The following CDK5RAP2 variants were observed in gnomAD, a reference collection of about 807,000 sequenced individuals.
CDK5RAP2 encodes CDK5 regulatory subunit associated protein 2.
CDK5RAP2 carries 147 observed loss-of-function variants against 232.9 expected under a neutral mutation model. That is an observed-to-expected ratio of 0.63 (90% CI 0.55 to 0.72). The LOEUF is 0.72. Ranked by LOEUF, CDK5RAP2 falls within the 30% of genes least tolerant of loss-of-function variation. The pLI is 0.00. For synonymous variants in CDK5RAP2, 833 were observed against 833.7 expected, an observed-to-expected ratio of 1.00 and a Z score of 0.01; for missense variants, 2,195 against 2,231.5, an observed-to-expected ratio of 0.98 and a Z score of 0.33.
Position 120,437,353 on chromosome 9 carries a change from C to G in CDK5RAP2, c.3897G>C (p.Gln1299His), listed in dbSNP as rs1339467127. 1.3e-5 allele frequency: 21 copies of G among 1,614,016 alleles called. No homozygotes were observed. The highest frequency in any genetic ancestry group is 1.6e-5 in the Non-Finnish European group (19 of 1,180,008). ...GCTCAGCACATTGATTCAGCTGTTC[C>G]TGGAAACCCTCGGCCACACAGTAAT... ...DVDYCVAEGFQEQLNQCAELL... is the reference protein window; with the variant it reads ...DVDYCVAEGFHEQLNQCAELL... Residue 1299 changes from glutamine (Q) to histidine (H), a missense_variant, in exon 25 of 38, where the codon CAG becomes CAC. Transcript: ENST00000349780.
chr9:120,440,251 C>T (rs2035822922), intron 23 of CDK5RAP2: 3 of 472,782 alleles, frequency 6.3e-6, no homozygotes, highest in Non-Finnish European at 1.2e-5. Flanking sequence ...TAAACCCACA[C>T]ACACACCCCC....
At chr9:120,390,845 T>C (rs878996714) in intron 36 of CDK5RAP2, among the ~76,000 whole-genome samples, 1 of 152,158 alleles carries the variant, frequency 6.6e-6, no homozygotes, top group African/African-American at 2.4e-5. Context: ...TGAGAAAATA[T>C]TGATTTCTTG....
At chr9:120,569,698 C>T (rs1000733195) in intron 2 of CDK5RAP2, among the ~76,000 whole-genome samples, 11 of 152,102 alleles carry the variant, frequency 7.2e-5, no homozygotes, top group Non-Finnish European at 1.6e-4. Context: ...CTTCTAAGGA[C>T]TCTGAGGAGC....
intron 3 of CDK5RAP2, among the ~76,000 whole-genome samples, chr9:120,567,194 A>G (rs1222372684): frequency 6.6e-6 from 1 of 152,242 alleles, no homozygotes; most frequent in Non-Finnish European, 1.5e-5. Context: ...CAGACCCCAC[A>G]GCATAGATCG....
In CDK5RAP2 at chr9:120,402,749, C is replaced by A. The variant is rs921392894; in HGVS notation, c.5307+57G>T. 1.6e-5 allele frequency: 25 copies of A among 1,604,526 alleles called. No homozygotes were observed. The African/African-American group carries it at 2.0e-4, about 13-fold the overall frequency. ...ACTGCGCCATTTGACTCCCCTCCCC[C>A]TTCCACCGACACTCCCAGGGAGCAG... is the stretch of plus-strand genomic sequence containing the variant. On this transcript the variant is annotated intron_variant, in intron 34 of 37. Transcript: ENST00000349780.
chr9:120,521,866 C>T (rs1219175347), intron 11 of CDK5RAP2, among the ~76,000 whole-genome samples: 1 of 152,018 alleles, frequency 6.6e-6, no homozygotes, highest in African/African-American at 2.4e-5. Context: ...AGAATGGTCT[C>T]GATCTCCTGA....
intron 27 of CDK5RAP2, among the ~76,000 whole-genome samples, chr9:120,416,008 A>G (rs1238461214): frequency 6.6e-6 from 1 of 152,216 alleles, no homozygotes; most frequent in Non-Finnish European, 1.5e-5. Flanking sequence ...TCCAAGATTG[A>G]TAACATAATC....
intron 25 of CDK5RAP2, among the ~76,000 whole-genome samples, chr9:120,436,715 A>G (rs1219055174): frequency 6.6e-6 from 1 of 152,194 alleles, no homozygotes; most frequent in African/African-American, 2.4e-5. Context: ...GCAAATGCTA[A>G]CAACTGATGA....
chr9:120,508,799 C>G (rs2039946764), intron 12 of CDK5RAP2, among the ~76,000 whole-genome samples: 1 of 152,244 alleles, frequency 6.6e-6, no homozygotes, highest in Non-Finnish European at 1.5e-5. Flanking sequence ...CTTTGTGCTT[C>G]CAAAGCATTC....
At chr9:120,413,529 A>G (rs1193272030) in intron 28 of CDK5RAP2, among the ~76,000 whole-genome samples, 1 of 152,236 alleles carries the variant, frequency 6.6e-6, no homozygotes, top group African/African-American at 2.4e-5. Flanking sequence ...TAAATACTTT[A>G]TGAATGCTTT....
At chr9:120,545,575 A>G (rs2041807302) in intron 5 of CDK5RAP2, 139 bp downstream of exon 5, 1 of 746,644 alleles carries the variant, frequency 1.3e-6, no homozygotes, top group Non-Finnish European at 2.4e-6. Context: ...AAAGTAAATA[A>G]TTAAGTAAAA....
intron 12 of CDK5RAP2, among the ~76,000 whole-genome samples, chr9:120,491,823 C>T (rs1004246292): frequency 1.3e-5 from 2 of 152,056 alleles, no homozygotes; most frequent in African/African-American, 4.8e-5. Context: ...ACCAGAGTAT[C>T]AAACTGTACA....
intron 12 of CDK5RAP2, among the ~76,000 whole-genome samples, chr9:120,504,809 C>T (rs1452827295): frequency 6.6e-6 from 1 of 152,208 alleles, no homozygotes; most frequent in African/African-American, 2.4e-5. Context: ...CCTGTATCTA[C>T]CAGTCCCCTC....
chr9:120,575,797 CATAG>C (rs988311937), intron 1 of CDK5RAP2, among the ~76,000 whole-genome samples: 18 of 152,298 alleles, frequency 1.2e-4, no homozygotes, highest in Admixed American at 5.9e-4. Context: ...TGTGTTTTTA[CATAG>C]ATAGTTTCAA....
chr9:120,526,046 G>A (rs1253752268), intron 10 of CDK5RAP2, among the ~76,000 whole-genome samples: 2 of 152,154 alleles, frequency 1.3e-5, no homozygotes, highest in Non-Finnish European at 2.9e-5. Flanking sequence ...TCCCCTTTGT[G>A]CATTCCTCTC....
intron 29 of CDK5RAP2, among the ~76,000 whole-genome samples, chr9:120,409,788 CTG>C (rs2033731132): frequency 6.6e-6 from 1 of 152,260 alleles, no homozygotes; most frequent in Non-Finnish European, 1.5e-5. Context: ...ACAAGAGACA[CTG>C]TGGTCAAAAG....
intron 20 of CDK5RAP2, 51 bp from the exon 21 acceptor site, chr9:120,453,924 C>A: frequency 6.4e-7 from 1 of 1,568,542 alleles, no homozygotes; most frequent in Non-Finnish European, 8.8e-7. Context: ...TCTGCTAGGC[C>A]TTGTCCCCTA....
intron 1 of CDK5RAP2, among the ~76,000 whole-genome samples, chr9:120,575,562 A>G (rs1316534989): frequency 6.6e-6 from 1 of 152,214 alleles, no homozygotes; most frequent in Non-Finnish European, 1.5e-5. Flanking sequence ...GTCATGGATG[A>G]GACCAGATAT....
At chr9:120,451,499 A>G (rs547146102) in intron 21 of CDK5RAP2, among the ~76,000 whole-genome samples, 2 of 152,304 alleles carry the variant, frequency 1.3e-5, no homozygotes, top group African/African-American at 4.8e-5. Flanking sequence ...GGCTGCAGTG[A>G]TGTTCCTTTT....
Sources: allele counts gnomAD v4.1 joint callset (sites outside exome capture counted in the v4.1 genomes callset), GRCh38; gene constraint gnomAD v4.1.1; transcripts MANE v1.5; gene names NCBI Gene and HGNC (gene_info 2026-07-23, HGNC 2026-07-21).